The following GRM8 variants were observed in gnomAD, a reference collection of about 807,000 sequenced individuals.
GRM8 encodes metabotropic glutamate receptor 8.
A neutral mutation model predicts 87.2 loss-of-function variants in GRM8; 47 were observed. The observed-to-expected ratio is 0.54, with a 90% CI of 0.43 to 0.69. The LOEUF is 0.69. Ranked by LOEUF, GRM8 falls within the 30% of genes least tolerant of loss-of-function variation. The probability of loss-of-function intolerance (pLI) is 0.00; values close to 1 mark genes in which losing one functional copy is unlikely to be tolerated. For missense variants in GRM8, 1,019 were observed against 1,139.2 expected, an observed-to-expected ratio of 0.89 and a Z score of 1.52; for synonymous variants, 396 against 404.5, an observed-to-expected ratio of 0.98 and a Z score of 0.25.
chr7:127,144,112 T>C (rs573112518), intron 2 of GRM8, among the ~76,000 whole-genome samples: 107 of 152,216 alleles, frequency 7.0e-4, no homozygotes, highest in Non-Finnish European at 1.1e-3. Context: ...AGATACAGGA[T>C]TGTTTTGAGG....
At chr7:127,151,520 G>A (rs1451755719) in intron 2 of GRM8, among the ~76,000 whole-genome samples, 5 of 152,062 alleles carry the variant, frequency 3.3e-5, no homozygotes, top group African/African-American at 1.2e-4. Context: ...AAATTAAGGG[G>A]ATCATCAACA....
At chr7:127,097,878 G>A (rs1051110027) in intron 3 of GRM8, among the ~76,000 whole-genome samples, 4 of 152,174 alleles carry the variant, frequency 2.6e-5, no homozygotes, top group African/African-American at 4.8e-5. Flanking sequence ...TAGAATCATA[G>A]GTTTTAAAGC....
chr7:126,515,928 T>C (rs894690478), intron 9 of GRM8, among the ~76,000 whole-genome samples: 13 of 152,182 alleles, frequency 8.5e-5, no homozygotes, highest in South Asian at 4.1e-4. Context: ...GAGGCCCTTA[T>C]TCTGCTTAAC....
At chr7:126,956,002 A>G (rs2131638189) in intron 3 of GRM8, among the ~76,000 whole-genome samples, 1 of 152,284 alleles carries the variant, frequency 6.6e-6, no homozygotes, top group South Asian at 2.1e-4. Context: ...AGTAAATTAA[A>G]TGGCACCCTT....
intron 7 of GRM8, among the ~76,000 whole-genome samples, chr7:126,759,166 G>A (rs912414516): frequency 6.6e-6 from 1 of 151,906 alleles, no homozygotes; most frequent in East Asian, 1.9e-4. Context: ...CCAAATTCTG[G>A]GATTACAAGC....
At chr7:127,235,728 A>G (rs550318830) in intron 2 of GRM8, among the ~76,000 whole-genome samples, 13 of 152,154 alleles carry the variant, frequency 8.5e-5, no homozygotes, top group Non-Finnish European at 1.6e-4. Context: ...CTCTACACCA[A>G]CCAATTTAAC....
rs183122249 is a variant in GRM8, at chr7:126,913,087, G to A, written c.728-8404C>T. 3.0e-3 allele frequency among the ~76,000 whole-genome samples: 462 copies of A among 152,290 alleles called. 5 individuals are homozygous for A. The highest frequency in any genetic ancestry group is 0.011 in the African/African-American group (442 of 41,562). ...GACAAAAATCTCTATTAATAATTTA[G>A]TAGGAGAAAAATAAAACAAGAAACA... On this transcript the variant is annotated intron_variant, in intron 3 of 10. Transcript: ENST00000339582.
chr7:126,832,996 A>G (rs1328115313), intron 6 of GRM8, among the ~76,000 whole-genome samples: 2 of 152,254 alleles, frequency 1.3e-5, no homozygotes, highest in Non-Finnish European at 2.9e-5. Flanking sequence ...GATGTTGTCA[A>G]TTTTAATGTG....
At chr7:126,966,457 C>A (rs1039337960) in intron 3 of GRM8, among the ~76,000 whole-genome samples, 1 of 151,934 alleles carries the variant, frequency 6.6e-6, no homozygotes, top group Non-Finnish European at 1.5e-5. Context: ...AAGTTGTTTG[C>A]AATTATTTCA....
chr7:126,586,892 C>A (rs1305978215), intron 8 of GRM8, among the ~76,000 whole-genome samples: 1 of 152,060 alleles, frequency 6.6e-6, no homozygotes, highest in Non-Finnish European at 1.5e-5. Context: ...AGTGAACAGG[C>A]AACCTACAGA....
intron 10 of GRM8, among the ~76,000 whole-genome samples, chr7:126,443,422 T>G (rs1407340058): frequency 6.6e-6 from 1 of 152,020 alleles, no homozygotes; most frequent in Non-Finnish European, 1.5e-5. Context: ...AGATCTACCC[T>G]TTCATTGTAG....
At chr7:126,683,801 C>A (rs1030989601) in intron 7 of GRM8, among the ~76,000 whole-genome samples, 7 of 152,188 alleles carry the variant, frequency 4.6e-5, no homozygotes, top group African/African-American at 1.7e-4. Flanking sequence ...ATGTGTGGGT[C>A]TTCCTTCCCA....
chr7:127,002,492 C>T (rs1003057945), intron 3 of GRM8, among the ~76,000 whole-genome samples: 1 of 151,710 alleles, frequency 6.6e-6, no homozygotes, highest in African/African-American at 2.4e-5. Context: ...CACTATATGA[C>T]ATCTTCCTCC....
chr7:126,841,586 C>A (rs1586157757), intron 6 of GRM8, among the ~76,000 whole-genome samples: 1 of 151,968 alleles, frequency 6.6e-6, no homozygotes. Flanking sequence ...TAAAAGAAAT[C>A]TGAATGAAGT....
intron 6 of GRM8, among the ~76,000 whole-genome samples, chr7:126,780,685 G>A (rs1176845366): frequency 5.6e-5 from 1 of 18,016 alleles, no homozygotes; most frequent in African/African-American, 7.6e-4. Context: ...CTCAGCCAGT[G>A]AGGCTTAGCA....
intron 9 of GRM8, among the ~76,000 whole-genome samples, chr7:126,486,717 T>G (rs1280078656): frequency 6.6e-6 from 1 of 152,136 alleles, no homozygotes; most frequent in African/African-American, 2.4e-5. Context: ...ATTTAAACAA[T>G]TATGTATTTA....
At chr7:126,758,951 G>A (rs1250247602) in intron 7 of GRM8, among the ~76,000 whole-genome samples, 1 of 151,832 alleles carries the variant, frequency 6.6e-6, no homozygotes, top group Non-Finnish European at 1.5e-5. Flanking sequence ...AGGCTGAAGT[G>A]CAGTGGCGGG....
At chr7:126,944,954 GAAGTATT>G (rs1440845561) in intron 3 of GRM8, among the ~76,000 whole-genome samples, 1 of 152,192 alleles carries the variant, frequency 6.6e-6, no homozygotes, top group African/African-American at 2.4e-5. Flanking sequence ...ACCAGGTTGA[GAAGTATT>G]AATAACTCAA....
chr7:126,562,205 T>G (rs1204629032), intron 8 of GRM8, among the ~76,000 whole-genome samples: 1 of 152,262 alleles, frequency 6.6e-6, no homozygotes, highest in East Asian at 1.9e-4. Context: ...TGGAGAGAGA[T>G]AAAGTGTCTT....
Sources: allele counts gnomAD v4.1 joint callset (sites outside exome capture counted in the v4.1 genomes callset), GRCh38; gene constraint gnomAD v4.1.1; transcripts MANE v1.5; gene names NCBI Gene and HGNC (gene_info 2026-07-23, HGNC 2026-07-21).